Variants in CTNNA3 observed in about 807,000 individuals in gnomAD.
The protein encoded by CTNNA3 is catenin alpha 3.
CTNNA3 carries 76 observed loss-of-function variants against 95.7 expected under a neutral mutation model. The observed-to-expected ratio is 0.79, with a 90% confidence interval of 0.66 to 0.96. CTNNA3 has a LOEUF of 0.96. CTNNA3 is among the 40% of genes least tolerant of loss of function. The pLI is 0.00. For synonymous variants in CTNNA3, 431 were observed against 374.4 expected (o/e 1.15, Z -1.74); for missense variants, 1,191 against 1,089.8 (o/e 1.09, Z -1.31).
intron 7 of CTNNA3, among the ~76,000 whole-genome samples, chr10:67,095,865 T>C (rs1857958887): frequency 6.6e-6 from 1 of 151,902 alleles, no homozygotes; most frequent in South Asian, 2.1e-4. Flanking sequence ...CACATTTACT[T>C]TTACATAAAA....
chr10:66,043,581 G>T (rs889184578), intron 15 of CTNNA3, among the ~76,000 whole-genome samples: 2 of 152,150 alleles, frequency 1.3e-5, no homozygotes, highest in Admixed American at 6.5e-5. Context: ...CTCTTACAGT[G>T]TATGATTATA....
At chr10:66,513,968 T>G (rs1005821214) in intron 11 of CTNNA3, among the ~76,000 whole-genome samples, 15 of 149,120 alleles carry the variant, frequency 1.0e-4, no homozygotes, top group African/African-American at 3.7e-4. Flanking sequence ...GGATGTAGGC[T>G]GTGCACCTGT....
intron 14 of CTNNA3, among the ~76,000 whole-genome samples, chr10:66,096,321 A>C (rs1391159549): frequency 6.6e-6 from 1 of 152,150 alleles, no homozygotes; most frequent in Non-Finnish European, 1.5e-5. Context: ...CAGGCGGAGG[A>C]AAGAATGACT....
chr10:66,665,214 TACTTCA>T (rs1846407669), intron 9 of CTNNA3, among the ~76,000 whole-genome samples: 4 of 151,510 alleles, frequency 2.6e-5, no homozygotes, highest in Non-Finnish European at 4.4e-5. Flanking sequence ...TAATGAAGCT[TACTTCA>T]GCTCATTTCA....
chr10:67,564,717 ATC>A (rs1236028575), intron 3 of CTNNA3, among the ~76,000 whole-genome samples: 5 of 83,598 alleles, frequency 6.0e-5, no homozygotes, highest in Non-Finnish European at 9.8e-5. Flanking sequence ...ATATATATAT[ATC>A]ACTATGATCA....
At chr10:66,491,471 A>G (rs1876307) in intron 11 of CTNNA3, among the ~76,000 whole-genome samples, 2 of 152,204 alleles carry the variant, frequency 1.3e-5, no homozygotes, top group African/African-American at 2.4e-5. Flanking sequence ...TTTATTCCCA[A>G]AGAAATGCAC....
At chr10:66,668,314 A>T (rs1846530267) in intron 9 of CTNNA3, among the ~76,000 whole-genome samples, 1 of 152,106 alleles carries the variant, frequency 6.6e-6, no homozygotes, top group East Asian at 1.9e-4. Context: ...TTACAAGGTC[A>T]TGTTTCTTTA....
At chr10:66,944,610 A>G (rs903082696) in intron 7 of CTNNA3, among the ~76,000 whole-genome samples, 1 of 152,188 alleles carries the variant, frequency 6.6e-6, no homozygotes, top group African/African-American at 2.4e-5. Flanking sequence ...GATCCATCAA[A>G]GGAATTATTA....
intron 15 of CTNNA3, among the ~76,000 whole-genome samples, chr10:65,996,771 C>T (rs2078670916): frequency 6.6e-6 from 1 of 152,184 alleles, no homozygotes; most frequent in Admixed American, 6.5e-5. Context: ...TCTCCAAGCT[C>T]CCAGGTGATC....
intron 12 of CTNNA3, among the ~76,000 whole-genome samples, chr10:66,328,933 T>TATATATATATATACACAC (rs59003281): frequency 8.7e-6 from 1 of 115,404 alleles, no homozygotes; most frequent in African/African-American, 3.1e-5. Context: ...TATATATATA[T>TATATATATATATACACAC]ACACACACAC....
At chr10:67,032,266 C>T (rs1853774354) in intron 7 of CTNNA3, among the ~76,000 whole-genome samples, 1 of 151,168 alleles carries the variant, frequency 6.6e-6, no homozygotes, top group African/African-American at 2.4e-5. Context: ...TGCTTCATTG[C>T]TTTTTTTTTG....
At chr10:67,369,944 A>C (rs888008790) in intron 5 of CTNNA3, among the ~76,000 whole-genome samples, 16 of 152,164 alleles carry the variant, frequency 1.1e-4, no homozygotes, top group African/African-American at 3.9e-4. Context: ...CCAAACTTTC[A>C]CTTCTGAGAA....
At chr10:67,650,555 A>G (rs1306971881) in intron 1 of CTNNA3, among the ~76,000 whole-genome samples, 1 of 152,124 alleles carries the variant, frequency 6.6e-6, no homozygotes, top group East Asian at 1.9e-4. Context: ...GCAATGACTC[A>G]ATTTTCTTCA....
intron 13 of CTNNA3, among the ~76,000 whole-genome samples, chr10:66,110,526 A>ATAC (rs1417748701): frequency 6.6e-6 from 1 of 152,138 alleles, no homozygotes; most frequent in East Asian, 1.9e-4. Context: ...ACACAAACAT[A>ATAC]TACACTCAGT....
At chr10:66,849,361 A>AT (rs2132375440) in intron 7 of CTNNA3, among the ~76,000 whole-genome samples, 1 of 152,172 alleles carries the variant, frequency 6.6e-6, no homozygotes, top group Non-Finnish European at 1.5e-5. Context: ...GTGCTTTTAA[A>AT]TTTTTTCTTG....
intron 9 of CTNNA3, among the ~76,000 whole-genome samples, chr10:66,675,990 G>A (rs1846839125): frequency 6.6e-6 from 1 of 152,040 alleles, no homozygotes; most frequent in African/African-American, 2.4e-5. Flanking sequence ...CAGAGCTATT[G>A]TTTACATAAA....
At chr10:66,706,451 T>C (rs1324322574) in intron 9 of CTNNA3, among the ~76,000 whole-genome samples, 1 of 151,902 alleles carries the variant, frequency 6.6e-6, no homozygotes, top group African/African-American at 2.4e-5. Flanking sequence ...AATGAACATT[T>C]TCTGTCTCCA....
chr10:66,092,748 T>G (rs1156435142), intron 14 of CTNNA3, among the ~76,000 whole-genome samples: 2 of 151,940 alleles, frequency 1.3e-5, no homozygotes, highest in Non-Finnish European at 2.9e-5. Flanking sequence ...ACCAACGTTC[T>G]ACTCTATAAA....
At chr10:66,409,634 G>A (rs917526800) in intron 11 of CTNNA3, among the ~76,000 whole-genome samples, 19 of 152,096 alleles carry the variant, frequency 1.2e-4, no homozygotes, top group African/African-American at 4.3e-4. Flanking sequence ...TACTCTGATG[G>A]CAGTGAGACC....
Sources: gnomAD v4.1 joint callset for allele counts (sites outside exome capture counted in the v4.1 genomes callset) on GRCh38, gnomAD v4.1.1 for gene constraint, MANE v1.5 for transcripts, NCBI Gene and HGNC (gene_info 2026-07-23, HGNC 2026-07-21) for gene names.